Variants in ELMOD3 observed in about 807,000 individuals in gnomAD.
The protein encoded by ELMOD3 is ELMO domain containing 3, also known as ELMO domain-containing protein 3.
A neutral mutation model predicts 47.4 loss-of-function variants in ELMOD3; 36 were observed. The ratio of observed to expected loss-of-function variants is 0.76; its 90% confidence interval spans 0.58 to 1.00. ELMOD3 has a LOEUF of 1.00. ELMOD3 is among the 50% of genes least tolerant of loss of function. ELMOD3 has a pLI of 0.00. For missense variants in ELMOD3, 404 were observed against 463.8 expected (o/e 0.87, Z 1.18); for synonymous variants, 149 against 183.5 (o/e 0.81, Z 1.52).
intron 10 of ELMOD3, among the ~76,000 whole-genome samples, 188 bp from the exon 11 acceptor site, chr2:85,377,156 G>C (rs1007015170): frequency 6.6e-6 from 1 of 152,218 alleles, no homozygotes; most frequent in Non-Finnish European, 1.5e-5. Flanking sequence ...GGGCGCTGGG[G>C]TCCCCATTTG....
intron 6 of ELMOD3, 80 bp from the exon 7 acceptor site, chr2:85,368,606 G>T: frequency 1.4e-6 from 2 of 1,440,240 alleles, no homozygotes; most frequent in Non-Finnish European, 9.7e-7. Flanking sequence ...GCCCAAGGCA[G>T]GCAGACAAGG....
intron 11 of ELMOD3, among the ~76,000 whole-genome samples, chr2:85,388,051 G>A (rs1030990949): frequency 6.6e-5 from 10 of 152,066 alleles, no homozygotes; most frequent in Non-Finnish European, 1.3e-4. Context: ...TGACATGCTG[G>A]TCATGTAGGC....
At chr2:85,384,299 A>G (rs1233213517) in intron 11 of ELMOD3, among the ~76,000 whole-genome samples, 1 of 152,244 alleles carries the variant, frequency 6.6e-6, no homozygotes, top group Admixed American at 6.5e-5. Context: ...TCATTGGGAA[A>G]ATTAGAGACA....
At chr2:85,359,787 A>G (rs1683820870) in intron 4 of ELMOD3, among the ~76,000 whole-genome samples, 1 of 151,824 alleles carries the variant, frequency 6.6e-6, no homozygotes, top group African/African-American at 2.4e-5. Context: ...GAGGTTGAAC[A>G]TTTGTTCATA....
At chr2:85,378,427 T>C (rs975404452) in intron 11 of ELMOD3, among the ~76,000 whole-genome samples, 1 of 152,330 alleles carries the variant, frequency 6.6e-6, no homozygotes, top group African/African-American at 2.4e-5. Flanking sequence ...CTTGGTTTTA[T>C]ACATTTTAGG....
At chr2:85,365,981 A>G (rs1390056280) in intron 6 of ELMOD3, among the ~76,000 whole-genome samples, 1 of 143,734 alleles carries the variant, frequency 7.0e-6, no homozygotes, top group African/African-American at 3.0e-5. Flanking sequence ...TTTTTGAAAC[A>G]GAGTCTCACT....
In ELMOD3 at chr2:85,376,106, C is replaced by T. The variant is rs556674941; in HGVS notation, c.608-1238C>T. Among the ~76,000 whole-genome samples the T allele has an allele frequency of 2.5e-4, 38 of 152,156 alleles. No homozygotes were observed. The highest frequency in any genetic ancestry group is 4.6e-4 in the Non-Finnish European group (31 of 68,020). On this transcript the variant is annotated intron_variant, in intron 10 of 13. Transcript: ENST00000409013. The surrounding 1 kb of genome is among the most constrained non-coding windows in gnomAD (Gnocchi z 4.2). ...TCATAGCTTCTGGGGACATGGTCAT[C>T]GTGGGGCGGGGGGATTATTTTGCCT...
intron 4 of ELMOD3, 147 bp downstream of exon 4, chr2:85,357,399 C>T: frequency 2.1e-6 from 1 of 471,496 alleles, no homozygotes; most frequent in Non-Finnish European, 3.8e-6. Context: ...CTTCTATTCA[C>T]CTCAGGGTCA....
chr2:85,382,207 A>G (rs1685601626), intron 11 of ELMOD3, among the ~76,000 whole-genome samples: 1 of 147,654 alleles, frequency 6.8e-6, no homozygotes, highest in Admixed American at 6.8e-5. Flanking sequence ...TAGGAGGCCG[A>G]GGCGGGCAGA....
At chr2:85,390,523 A>G (rs1558723235) in intron 13 of ELMOD3, 4 of 1,591,874 alleles carry the variant, frequency 2.5e-6, no homozygotes, top group African/African-American at 2.7e-5. Flanking sequence ...CCAGGGTCCA[A>G]TAGTTGGACT....
intron 10 of ELMOD3, among the ~76,000 whole-genome samples, chr2:85,373,618 A>C (rs1287373115): frequency 6.6e-6 from 1 of 152,012 alleles, no homozygotes; most frequent in African/African-American, 2.4e-5. Flanking sequence ...CGGCGGGAGG[A>C]TCACGAGGTC....
intron 11 of ELMOD3, among the ~76,000 whole-genome samples, chr2:85,387,666 CAA>C (rs33992978): frequency 1.6e-4 from 15 of 94,074 alleles, no homozygotes; most frequent in East Asian, 3.0e-4. Context: ...GACTCCATCT[CAA>C]AAAAAAAAAA....
intron 11 of ELMOD3, among the ~76,000 whole-genome samples, chr2:85,379,227 C>T (rs937529068): frequency 2.0e-5 from 3 of 152,026 alleles, no homozygotes; most frequent in Non-Finnish European, 2.9e-5. Flanking sequence ...TTTTTGGAGA[C>T]GGAGTCTCGC....
intron 11 of ELMOD3, among the ~76,000 whole-genome samples, chr2:85,382,311 T>C (rs1361013154): frequency 6.7e-6 from 1 of 148,830 alleles, no homozygotes; most frequent in African/African-American, 2.5e-5. Flanking sequence ...TGATGGTGGG[T>C]GCCTGTAGTC....
At chr2:85,359,590 A>AGT (rs1411820572) in intron 4 of ELMOD3, among the ~76,000 whole-genome samples, 3 of 151,720 alleles carry the variant, frequency 2.0e-5, no homozygotes, top group Non-Finnish European at 4.4e-5. Flanking sequence ...AATACAAAAA[A>AGT]AATACTTTTT....
At position 85,376,872 on chromosome 2, in the gene ELMOD3, C is replaced by G. The variant is rs1685197154; in HGVS notation, c.608-472C>G. On this transcript the variant is annotated intron_variant, in intron 10 of 13. Transcript: ENST00000409013. This position sits in a 1 kb window ranked among gnomAD's most constrained non-coding sequence, Gnocchi z 4.2. ...TGGGATATATTAGGCAAAAAGAAACCCAGGAATTCACCAGAGAGTCATTTC... is the reference window on the plus strand; with the variant it reads ...TGGGATATATTAGGCAAAAAGAAACGCAGGAATTCACCAGAGAGTCATTTC... The G allele has an allele frequency of 6.6e-6, 1 of 152,180 alleles. No individual in the cohort carries two copies. Among genetic ancestry groups the G allele is most frequent in the Admixed American group, 6.5e-5 (1 of 15,270 alleles). The allele number at this position is 152,180 out of a possible 1,614,324, so 9.4% of individuals were successfully genotyped here.
At chr2:85,390,422 AG>A in intron 13 of ELMOD3, 157 bp downstream of exon 13, 1 of 1,614,170 alleles carries the variant, frequency 6.2e-7, no homozygotes, top group Non-Finnish European at 8.5e-7. Flanking sequence ...CACCCCCTGG[AG>A]TCTGCTAGTT....
At chr2:85,382,084 T>C (rs1451973907) in intron 11 of ELMOD3, among the ~76,000 whole-genome samples, 1 of 117,046 alleles carries the variant, frequency 8.5e-6, no homozygotes, top group Non-Finnish European at 1.6e-5. Flanking sequence ...GCCACTGCAC[T>C]CCAGCCTGGG....
At chr2:85,379,763 T>A (rs1685423009) in intron 11 of ELMOD3, among the ~76,000 whole-genome samples, 1 of 152,230 alleles carries the variant, frequency 6.6e-6, no homozygotes, top group African/African-American at 2.4e-5. Context: ...CACATAGGCT[T>A]TTTTTAAAAA....
Sources: allele counts gnomAD v4.1 joint callset (sites outside exome capture counted in the v4.1 genomes callset), GRCh38; gene constraint gnomAD v4.1.1; non-coding constraint Gnocchi (gnomAD v3.1); transcripts MANE v1.5; gene names NCBI Gene and HGNC (gene_info 2026-07-23, HGNC 2026-07-21).